Variants in CDH9 observed in about 807,000 individuals in gnomAD.
CDH9 encodes the protein cadherin 9.
CDH9 carries 28 observed loss-of-function variants against 70.9 expected under a neutral mutation model. That is an observed-to-expected ratio of 0.40 (90% CI 0.29 to 0.54). The LOEUF is 0.54. CDH9 is among the 20% of genes least tolerant of loss of function. The pLI, the probability that CDH9 is intolerant of heterozygous loss-of-function variation, is 0.59. For synonymous variants in CDH9, 409 were observed against 343.1 expected, an observed-to-expected ratio of 1.19 and a Z score of -2.12; for missense variants, 874 against 984.4, an observed-to-expected ratio of 0.89 and a Z score of 1.50.
intron 1 of CDH9, among the ~76,000 whole-genome samples, chr5:26,994,760 C>A (rs1742639688): frequency 1.3e-5 from 2 of 152,096 alleles, no homozygotes; most frequent in Non-Finnish European, 2.9e-5. Context: ...GCAGCATGGA[C>A]TGACTAGAAC....
intron 2 of CDH9, among the ~76,000 whole-genome samples, chr5:26,978,149 T>C (rs1451616871): frequency 2.0e-5 from 3 of 147,422 alleles, no homozygotes; most frequent in Non-Finnish European, 4.5e-5. Context: ...TTCTAGAGAG[T>C]AAAAAAACAG....
intron 3 of CDH9, among the ~76,000 whole-genome samples, chr5:26,914,414 C>A (rs1217371454): frequency 1.3e-5 from 2 of 151,830 alleles, no homozygotes; most frequent in Admixed American, 1.3e-4. Context: ...ACTTTCCATG[C>A]AACTAAGATA....
intron 2 of CDH9, among the ~76,000 whole-genome samples, chr5:26,971,577 GTA>G (rs1339102596): frequency 7.9e-5 from 12 of 152,162 alleles, no homozygotes; most frequent in Non-Finnish European, 1.8e-4. Flanking sequence ...TGGCTGAAAT[GTA>G]GGATTTGCTT....
chr5:27,020,394 C>T (rs1388785766), intron 1 of CDH9, among the ~76,000 whole-genome samples: 1 of 151,380 alleles, frequency 6.6e-6, no homozygotes, highest in African/African-American at 2.4e-5. Flanking sequence ...TATATTTACA[C>T]AATTGGCATT....
intron 2 of CDH9, among the ~76,000 whole-genome samples, chr5:26,955,091 C>T (rs1214757012): frequency 6.6e-6 from 1 of 152,210 alleles, no homozygotes; most frequent in African/African-American, 2.4e-5. Context: ...TCCTAATAAG[C>T]TGTTACTCAC....
chr5:26,971,016 G>T, intron 2 of CDH9, among the ~76,000 whole-genome samples: 1 of 152,132 alleles, frequency 6.6e-6, no homozygotes, highest in Non-Finnish European at 1.5e-5. Context: ...TTCTGACATA[G>T]AAGGGGCCAT....
chr5:26,882,652 A>G (rs1740486128), intron 11 of CDH9, among the ~76,000 whole-genome samples: 1 of 152,082 alleles, frequency 6.6e-6, no homozygotes, highest in East Asian at 1.9e-4. Flanking sequence ...TAAAACCAAG[A>G]AAATATCTTC....
rs541050932 is a variant in CDH9 at position 27,014,650 on chromosome 5, CAT to C, written c.-50+23811_-50+23812del. ...ACATCATACTTATATACCAGATAAA[CAT>C]ATAGACATATATAAATATAGATATA... On this transcript the variant is annotated intron_variant, in intron 1 of 11. Transcript: ENST00000231021. 1.2e-3 allele frequency among the ~76,000 whole-genome samples: 182 copies of C among 151,710 alleles called. 1 individual carries two copies. Among genetic ancestry groups the C allele is most frequent in the Admixed American group, 3.5e-3 (53 of 15,160 alleles).
intron 2 of CDH9, among the ~76,000 whole-genome samples, chr5:26,974,872 T>C (rs934481600): frequency 1.3e-5 from 2 of 152,028 alleles, no homozygotes; most frequent in Admixed American, 1.3e-4. Flanking sequence ...TCTTCGCAAA[T>C]TTCAAGTATA....
chr5:26,885,637 A>G lies in CDH9; in HGVS notation c.1859T>C (p.Leu620Pro). 1 of 1,613,434 alleles carries G rather than the reference A, an allele frequency of 6.2e-7. No individual in the cohort carries two copies. The highest frequency in any genetic ancestry group is 1.1e-5 in the South Asian group (1 of 91,052). Residue 620 changes from leucine to proline, a missense_variant, in exon 11 of 12, where the codon CTA becomes CCA. By Grantham distance (98) the Leu-to-Pro change is moderately conservative. Transcript: ENST00000231021. ...GLSTGALVAI[L>P]LCVLILLILV... ...ACTAAGCAGTATGAGGACACAGAGT[A>G]GAATCGCAACGAGAGCTCCCGTGCT...
intron 11 of CDH9, among the ~76,000 whole-genome samples, chr5:26,883,096 A>T (rs867696165): frequency 0.011 from 1,222 of 111,626 alleles, 37 homozygotes; most frequent in African/African-American, 0.042. Flanking sequence ...TATATATATA[A>T]AACTGCAGTA....
intron 7 of CDH9, among the ~76,000 whole-genome samples, chr5:26,897,563 A>G (rs2111981589): frequency 6.6e-6 from 1 of 152,318 alleles, no homozygotes; most frequent in East Asian, 1.9e-4. Flanking sequence ...GCCAATGACA[A>G]AAACCACATG....
intron 2 of CDH9, among the ~76,000 whole-genome samples, chr5:26,970,802 C>G (rs1381523525): frequency 6.6e-6 from 1 of 151,844 alleles, no homozygotes; most frequent in African/African-American, 2.4e-5. Flanking sequence ...GACCTGTATG[C>G]CTGTATAAAT....
chr5:26,963,488 G>A (rs887152073), intron 2 of CDH9, among the ~76,000 whole-genome samples: 7 of 151,954 alleles, frequency 4.6e-5, no homozygotes, highest in Admixed American at 3.9e-4. Context: ...TCAGCCCATC[G>A]AGAACATTTT....
At chr5:26,918,563 A>G (rs12522304) in intron 2 of CDH9, among the ~76,000 whole-genome samples, 1 of 152,234 alleles carries the variant, frequency 6.6e-6, no homozygotes, top group Non-Finnish European at 1.5e-5. Context: ...CCTTTTTAAC[A>G]TAAGTTGAAT....
chr5:26,917,747 G>A (rs1199720190), intron 2 of CDH9, among the ~76,000 whole-genome samples: 1 of 151,946 alleles, frequency 6.6e-6, no homozygotes, highest in Non-Finnish European at 1.5e-5. Flanking sequence ...GACCACCAGA[G>A]CAATCTTCTA....
intron 2 of CDH9, among the ~76,000 whole-genome samples, chr5:26,961,894 G>T (rs766109572): frequency 6.6e-6 from 1 of 151,936 alleles, no homozygotes; most frequent in Non-Finnish European, 1.5e-5. Flanking sequence ...TCTTACATAG[G>T]TGTACACGTG....
At chr5:26,956,631 C>A (rs1741951203) in intron 2 of CDH9, among the ~76,000 whole-genome samples, 1 of 152,172 alleles carries the variant, frequency 6.6e-6, no homozygotes, top group African/African-American at 2.4e-5. Context: ...TCTGTATTAG[C>A]CCCCTGCCAC....
chr5:26,957,719 G>A (rs1172831442), intron 2 of CDH9, among the ~76,000 whole-genome samples: 1 of 152,040 alleles, frequency 6.6e-6, no homozygotes, highest in East Asian at 1.9e-4. Context: ...TGAATTACAT[G>A]CTATTTTCTT....
Sources: allele counts gnomAD v4.1 joint callset (sites outside exome capture counted in the v4.1 genomes callset), GRCh38; gene constraint gnomAD v4.1.1; transcripts MANE v1.5; gene names NCBI Gene and HGNC (gene_info 2026-07-23, HGNC 2026-07-21).